RBMS3: variants seen among roughly 807,000 people sequenced by gnomAD.
The protein encoded by RBMS3 is RNA-binding motif, single-stranded-interacting protein 3.
A neutral mutation model predicts 66.8 loss-of-function variants in RBMS3; 27 were observed. The ratio of observed to expected loss-of-function variants is 0.40; its 90% CI spans 0.30 to 0.56. RBMS3 has a LOEUF of 0.56. RBMS3 is among the 20% of genes least tolerant of loss of function. The pLI, the probability that RBMS3 is intolerant of heterozygous loss-of-function variation, is 0.40. For synonymous variants in RBMS3, 188 were observed against 183.0 expected (o/e 1.03, Z -0.22); for missense variants, 513 against 549.5 (o/e 0.93, Z 0.66).
At chr3:29,720,157 C>T (rs995072460) in intron 4 of RBMS3, among the ~76,000 whole-genome samples, 3 of 152,118 alleles carry the variant, frequency 2.0e-5, no homozygotes, top group Non-Finnish European at 2.9e-5. Flanking sequence ...ACCCAGGATG[C>T]AGGAAGCTCT....
chr3:29,418,790 A>G (rs1243518341), intron 1 of RBMS3, among the ~76,000 whole-genome samples: 1 of 152,322 alleles, frequency 6.6e-6, no homozygotes, highest in African/African-American at 2.4e-5. Context: ...TCATTTGAGT[A>G]AAAGCCACCA....
At chr3:29,955,846 T>A (rs1167213401) in intron 12 of RBMS3, among the ~76,000 whole-genome samples, 1 of 152,078 alleles carries the variant, frequency 6.6e-6, no homozygotes, top group Non-Finnish European at 1.5e-5. Flanking sequence ...CTGGTAACAT[T>A]TTAATAGCAT....
At chr3:29,698,601 C>T (rs1467131631) in intron 4 of RBMS3, 2 of 985,064 alleles carry the variant, frequency 2.0e-6, no homozygotes, top group Non-Finnish European at 2.4e-6. Flanking sequence ...GGCATGTCTA[C>T]CAAAACACGA....
chr3:29,796,588 G>GGGCTACAGA (rs2057197023), intron 6 of RBMS3, among the ~76,000 whole-genome samples: 2 of 152,072 alleles, frequency 1.3e-5, no homozygotes. Flanking sequence ...CTTGATCCAT[G>GGGCTACAGA]GGCTACAGAA....
At chr3:29,988,320 T>G in intron 13 of RBMS3, 97 bp downstream of exon 13, 2 of 962,124 alleles carry the variant, frequency 2.1e-6, no homozygotes, top group Non-Finnish European at 3.2e-6. Flanking sequence ...CACTTGCAAT[T>G]TTTGTGCTAC....
At chr3:29,721,926 G>A (rs967071561) in intron 4 of RBMS3, among the ~76,000 whole-genome samples, 2 of 152,088 alleles carry the variant, frequency 1.3e-5, no homozygotes, top group Admixed American at 6.6e-5. Context: ...CTTTAGTGGA[G>A]ACCATGAGCG....
chr3:29,514,679 A>ATATATATATATATG (rs2044548360), intron 3 of RBMS3, among the ~76,000 whole-genome samples: 3 of 137,878 alleles, frequency 2.2e-5, no homozygotes, highest in African/African-American at 8.1e-5. Context: ...ATATATATAT[A>ATATATATATATATG]TGATAGGCAT....
intron 4 of RBMS3, among the ~76,000 whole-genome samples, chr3:29,646,968 C>A (rs1324167952): frequency 1.3e-5 from 2 of 152,018 alleles, no homozygotes; most frequent in Non-Finnish European, 2.9e-5. Flanking sequence ...GCTTCAGAAG[C>A]ATCCTTCTCT....
intron 2 of RBMS3, among the ~76,000 whole-genome samples, chr3:29,482,685 T>C (rs2043167463): frequency 1.5e-5 from 2 of 130,652 alleles, no homozygotes; most frequent in African/African-American, 3.1e-5. Flanking sequence ...CAGTCTACCA[T>C]TTTCTTTCTT....
chr3:29,312,629 T>C (rs1244539100), intron 1 of RBMS3, among the ~76,000 whole-genome samples: 1 of 151,686 alleles, frequency 6.6e-6, no homozygotes, highest in East Asian at 1.9e-4. Context: ...TGTATCTATA[T>C]GTCTCTGTCT....
Position 29,550,808 on chromosome 3 carries a change from A to G in RBMS3, c.308-36306A>G, listed in dbSNP as rs991291898. Among the ~76,000 whole-genome samples the G allele has an allele frequency of 5.9e-5, 9 of 152,204 alleles. No homozygotes were observed. The East Asian group carries it at 1.7e-3, about 29-fold the overall frequency. On this transcript the variant is annotated intron_variant, in intron 3 of 14. Transcript: ENST00000383767. Reference sequence around the variant, plus strand: ...TTTCAAGGTTACAGAAGCCAAGAGAATAAAGAAATGGAGCATCACTGACAC... The same window carrying G: ...TTTCAAGGTTACAGAAGCCAAGAGAGTAAAGAAATGGAGCATCACTGACAC...
rs548616097 is a variant in RBMS3 at position 29,366,269 on chromosome 3, T to G, written c.76-68474T>G. Among the ~76,000 whole-genome samples the G allele has an allele frequency of 2.0e-5, 3 of 152,368 alleles. No individual in the cohort carries two copies. In the East Asian group the frequency reaches 5.8e-4, roughly 29 times the overall value. Reference sequence around the variant, plus strand: ...ACTTTGTTAAGTGATAGTTGTATTATCAGTGCCATGCAGACATTACCCAAA... The same window carrying G: ...ACTTTGTTAAGTGATAGTTGTATTAGCAGTGCCATGCAGACATTACCCAAA... On this transcript the variant is annotated intron_variant, in intron 1 of 14. Transcript: ENST00000383767.
At chr3:29,315,729 AC>A in intron 1 of RBMS3, among the ~76,000 whole-genome samples, 1 of 151,870 alleles carries the variant, frequency 6.6e-6, no homozygotes, top group South Asian at 2.1e-4. Context: ...CAGTGAACAC[AC>A]TAGTTGCTAT....
intron 4 of RBMS3, among the ~76,000 whole-genome samples, chr3:29,630,650 G>A (rs2049251304): frequency 1.3e-5 from 2 of 151,892 alleles, no homozygotes; most frequent in Admixed American, 1.3e-4. Context: ...TGGCATTTAT[G>A]GTTAGAAATA....
Position 29,746,778 on chromosome 3 carries a change from C to T in RBMS3, c.557+6901C>T, listed in dbSNP as rs571464206. Reference sequence around the variant, plus strand: ...AAATAACTTGTTATTCTGAAGTCTCCGAGACGGCAGTCTTGTTGTATATAT... The same window carrying T: ...AAATAACTTGTTATTCTGAAGTCTCTGAGACGGCAGTCTTGTTGTATATAT... On this transcript the variant is annotated intron_variant, in intron 5 of 14. Transcript: ENST00000383767. Among the ~76,000 whole-genome samples the T allele has an allele frequency of 3.0e-4, 46 of 152,136 alleles. 1 individual carries two copies. Among genetic ancestry groups the T allele is most frequent in the Middle Eastern group, 6.8e-3 (2 of 294 alleles).
intron 4 of RBMS3, among the ~76,000 whole-genome samples, chr3:29,617,996 AAAG>A (rs2048726458): frequency 6.6e-6 from 1 of 152,114 alleles, no homozygotes; most frequent in African/African-American, 2.4e-5. Flanking sequence ...TTTTTAGATA[AAAG>A]AAGTAGGGAG....
intron 3 of RBMS3, among the ~76,000 whole-genome samples, chr3:29,574,730 T>C (rs892992724): frequency 1.3e-5 from 2 of 150,554 alleles, no homozygotes; most frequent in Non-Finnish European, 2.9e-5. Flanking sequence ...GTATCCATTG[T>C]GTGTTTTTTT....
At chr3:29,739,316 C>T (rs546547273) in intron 4 of RBMS3, among the ~76,000 whole-genome samples, 59 of 151,988 alleles carry the variant, frequency 3.9e-4, no homozygotes, top group African/African-American at 1.3e-3. Context: ...ATTAGCTGGG[C>T]GTGGTGGCGG....
At chr3:29,658,734 G>A (rs9882829) in intron 4 of RBMS3, among the ~76,000 whole-genome samples, 25,235 of 152,244 alleles carry the variant, frequency 0.17, 2,237 homozygotes, top group Middle Eastern at 0.27. Flanking sequence ...TTAAGAGCCA[G>A]TGAAGTAAGA....
Sources: gnomAD v4.1 joint callset for allele counts (sites outside exome capture counted in the v4.1 genomes callset) on GRCh38, gnomAD v4.1.1 for gene constraint, MANE v1.5 for transcripts, NCBI Gene and HGNC (gene_info 2026-07-23, HGNC 2026-07-21) for gene names.